Variants in GRID2 observed in about 807,000 individuals in gnomAD.
GRID2 encodes glutamate ionotropic receptor delta type subunit 2, also known as glutamate receptor ionotropic, delta-2.
A neutral mutation model predicts 114.8 loss-of-function variants in GRID2; 33 were observed. That is an observed-to-expected ratio of 0.29 (90% CI 0.22 to 0.38). The LOEUF (loss-of-function observed/expected upper bound fraction) is 0.38, where lower values mean the gene tolerates loss of function less well. Among genes scored for constraint, GRID2 ranks in the 10% least tolerant of loss-of-function variants. GRID2 has a pLI of 1.00. For missense variants in GRID2, 1,184 were observed against 1,257.7 expected, an observed-to-expected ratio of 0.94 and a Z score of 0.89; for synonymous variants, 505 against 449.9, an observed-to-expected ratio of 1.12 and a Z score of -1.55.
chr4:92,738,682 C>T (rs1437070196), intron 2 of GRID2, among the ~76,000 whole-genome samples: 1 of 152,050 alleles, frequency 6.6e-6, no homozygotes, highest in Admixed American at 6.6e-5. Context: ...GACAGGATCT[C>T]ACTCTGTTGC....
At chr4:93,505,934 C>G (rs1728583131) in intron 12 of GRID2, among the ~76,000 whole-genome samples, 2 of 152,090 alleles carry the variant, frequency 1.3e-5, no homozygotes, top group African/African-American at 2.4e-5. Context: ...TGACTGTTCT[C>G]TTGCATCTGT....
intron 2 of GRID2, among the ~76,000 whole-genome samples, chr4:92,892,050 TG>T (rs774185167): frequency 1.4e-4 from 22 of 152,112 alleles, no homozygotes; most frequent in Non-Finnish European, 1.9e-4. Context: ...ATGTAATAGC[TG>T]GTTTTTTTTT....
intron 12 of GRID2, among the ~76,000 whole-genome samples, chr4:93,501,564 G>A (rs1384427798): frequency 2.0e-5 from 3 of 151,836 alleles, no homozygotes; most frequent in Admixed American, 6.6e-5. Flanking sequence ...TTTCCCAAAC[G>A]TACAGCTATC....
At chr4:93,370,767 G>A (rs993504686) in intron 8 of GRID2, among the ~76,000 whole-genome samples, 6 of 152,068 alleles carry the variant, frequency 3.9e-5, no homozygotes, top group South Asian at 2.1e-4. Flanking sequence ...ATATGCGATC[G>A]TGTTTATTTT....
intron 14 of GRID2, among the ~76,000 whole-genome samples, chr4:93,717,759 T>C (rs1450304262): frequency 6.6e-6 from 1 of 152,176 alleles, no homozygotes; most frequent in Non-Finnish European, 1.5e-5. Context: ...TTTTATAGAA[T>C]CAAGTGCTAA....
intron 8 of GRID2, among the ~76,000 whole-genome samples, chr4:93,300,127 G>A (rs924299564): frequency 6.6e-6 from 1 of 152,034 alleles, no homozygotes; most frequent in Non-Finnish European, 1.5e-5. Flanking sequence ...TTTTGTGTGT[G>A]TGTGATGGGG....
chr4:93,743,202 G>GT (rs1181883734), intron 14 of GRID2, among the ~76,000 whole-genome samples: 1 of 152,194 alleles, frequency 6.6e-6, no homozygotes, highest in Non-Finnish European at 1.5e-5. Flanking sequence ...CTTCAACTCT[G>GT]TGGAGGCTGA....
In GRID2 at chr4:93,395,680, G is replaced by T. The variant is rs76699542; in HGVS notation, c.1319G>T (p.Gly440Val). 1.9e-6 allele frequency: 3 copies of T among 1,565,618 alleles called. No individual in the cohort carries two copies. Among genetic ancestry groups the T allele is most frequent in the South Asian group, 2.2e-5 (2 of 90,052 alleles). The part of the protein sequence containing the change: ...TDKKLENNMR[G>V]VVLRVVTVLE... Reference sequence around the variant, plus strand: ...AAGAAATTGGAGAATAACATGCGTGGAGTGGTTCTACGTGTAGTAACTGTT... The same window carrying T: ...AAGAAATTGGAGAATAACATGCGTGTAGTGGTTCTACGTGTAGTAACTGTT... The change falls in exon 9 of 16, where the codon GGA becomes GTA. Residue 440 changes from glycine to valine, a missense_variant. By Grantham distance (109) the Gly-to-Val change is moderately radical. Transcript: ENST00000282020.
intron 4 of GRID2, among the ~76,000 whole-genome samples, chr4:93,201,586 T>C (rs1437662627): frequency 6.6e-6 from 1 of 152,206 alleles, no homozygotes; most frequent in Non-Finnish European, 1.5e-5. Context: ...TAATATTTAG[T>C]ACATCCTGCA....
chr4:92,467,800 T>A (rs1212137626), intron 1 of GRID2, among the ~76,000 whole-genome samples: 1 of 151,956 alleles, frequency 6.6e-6, no homozygotes, highest in Non-Finnish European at 1.5e-5. Flanking sequence ...ATATTGGGAA[T>A]TAATACAAAG....
chr4:92,417,098 T>G (rs911819044), intron 1 of GRID2, among the ~76,000 whole-genome samples: 13 of 152,106 alleles, frequency 8.5e-5, no homozygotes, highest in Non-Finnish European at 1.8e-4. Flanking sequence ...ATATATGTAA[T>G]TTTAATGCTC....
At chr4:93,164,243 G>A (rs567117922) in intron 4 of GRID2, among the ~76,000 whole-genome samples, 5 of 152,112 alleles carry the variant, frequency 3.3e-5, no homozygotes, top group East Asian at 1.9e-4. Flanking sequence ...TGTAGAAAGC[G>A]ACATAAATAG....
At chr4:92,697,936 A>G (rs1734496910) in intron 2 of GRID2, among the ~76,000 whole-genome samples, 1 of 152,160 alleles carries the variant, frequency 6.6e-6, no homozygotes. Flanking sequence ...AAATTAAAAC[A>G]GAGGTAGGTA....
intron 2 of GRID2, among the ~76,000 whole-genome samples, chr4:92,913,419 C>T (rs368167976): frequency 2.6e-5 from 4 of 151,710 alleles, no homozygotes; most frequent in East Asian, 3.9e-4. Flanking sequence ...ACATTTTTTC[C>T]AGATCTCCAT....
intron 11 of GRID2, among the ~76,000 whole-genome samples, chr4:93,478,546 T>C (rs962962323): frequency 4.6e-5 from 7 of 151,478 alleles, no homozygotes; most frequent in African/African-American, 1.7e-4. Context: ...AAGAATTCTA[T>C]TAATTTTAAT....
At chr4:92,821,104 A>G (rs1741253299) in intron 2 of GRID2, among the ~76,000 whole-genome samples, 1 of 152,164 alleles carries the variant, frequency 6.6e-6, no homozygotes. Flanking sequence ...TTTGAAATTT[A>G]GGTATACTCC....
chr4:93,140,892 A>G (rs926075492), intron 4 of GRID2, among the ~76,000 whole-genome samples: 7 of 152,190 alleles, frequency 4.6e-5, no homozygotes, highest in African/African-American at 1.4e-4. Flanking sequence ...TCTCATTCCT[A>G]TCCTTGAGAT....
intron 10 of GRID2, among the ~76,000 whole-genome samples, chr4:93,433,586 A>G (rs1275185934): frequency 2.0e-5 from 3 of 152,182 alleles, no homozygotes; most frequent in African/African-American, 2.4e-5. Flanking sequence ...TGCCCAAGCC[A>G]TGCTCAAGCT....
chr4:93,541,236 A>G (rs920895352), intron 13 of GRID2, among the ~76,000 whole-genome samples: 1 of 152,172 alleles, frequency 6.6e-6, no homozygotes, highest in African/African-American at 2.4e-5. Context: ...TAAATCCCAC[A>G]GTGTCAGTGT....
Sources: gnomAD v4.1 joint callset for allele counts (sites outside exome capture counted in the v4.1 genomes callset) on GRCh38, gnomAD v4.1.1 for gene constraint, MANE v1.5 for transcripts, NCBI Gene and HGNC (gene_info 2026-07-23, HGNC 2026-07-21) for gene names.